PRICKLE2: variants seen among roughly 807,000 people sequenced by gnomAD.
The protein encoded by PRICKLE2 is prickle-like protein 2.
PRICKLE2 carries 21 observed loss-of-function variants against 81.4 expected under a neutral mutation model. That is an observed-to-expected ratio of 0.26 (90% CI 0.18 to 0.37). PRICKLE2 has a LOEUF of 0.37. Among genes scored for constraint, PRICKLE2 ranks in the 10% least tolerant of loss-of-function variants. The pLI is 1.00. For synonymous variants in PRICKLE2, 456 were observed against 421.5 expected (o/e 1.08, Z -1.00); for missense variants, 940 against 1,109.0 (o/e 0.85, Z 2.16).
chr3:64,100,165 A>G, intron 7 of PRICKLE2: 1 of 557,082 alleles, frequency 1.8e-6, no homozygotes, highest in Non-Finnish European at 3.2e-6. Context: ...TTTACCAGTT[A>G]CTAGTTCCTC....
At chr3:64,153,098 G>A (rs1426479214) in intron 6 of PRICKLE2, 84 bp downstream of exon 6, 70 of 1,270,880 alleles carry the variant, frequency 5.5e-5, no homozygotes, top group Non-Finnish European at 7.5e-5. Context: ...TCTAACACTT[G>A]CAATCAAAGA....
intron 2 of PRICKLE2, among the ~76,000 whole-genome samples, chr3:64,196,735 C>T (rs1178401911): frequency 2.0e-5 from 3 of 152,018 alleles, no homozygotes; most frequent in South Asian, 2.1e-4. Context: ...GATCACAAAA[C>T]GGAAGTGCCT....
At chr3:64,190,833 C>T (rs153726) in intron 2 of PRICKLE2, among the ~76,000 whole-genome samples, 1 of 152,098 alleles carries the variant, frequency 6.6e-6, no homozygotes, top group African/African-American at 2.4e-5. Flanking sequence ...TCCCTTTGCA[C>T]TCTGAGAAGC....
At chr3:64,144,446 T>C (rs939706538) in intron 7 of PRICKLE2, among the ~76,000 whole-genome samples, 1 of 152,238 alleles carries the variant, frequency 6.6e-6, no homozygotes, top group Non-Finnish European at 1.5e-5. Flanking sequence ...GCAAGAGCTA[T>C]ATAAAGGTTA....
chr3:64,160,265 T>C (rs937819847), intron 3 of PRICKLE2, among the ~76,000 whole-genome samples, 188 bp from the exon 4 acceptor site: 2 of 152,136 alleles, frequency 1.3e-5, no homozygotes, highest in African/African-American at 4.8e-5. Context: ...TCTACTAAGA[T>C]TGCGGACAGC....
chr3:64,236,169 C>T (rs551032649), intron 2 of PRICKLE2, among the ~76,000 whole-genome samples: 1 of 152,208 alleles, frequency 6.6e-6, no homozygotes, highest in African/African-American at 2.4e-5. Context: ...CCTCACACTG[C>T]CATACTGGAA....
chr3:64,160,893 T>G (rs1034780956), intron 3 of PRICKLE2, among the ~76,000 whole-genome samples: 1 of 152,164 alleles, frequency 6.6e-6, no homozygotes, highest in African/African-American at 2.4e-5. Flanking sequence ...TTGGATGCAT[T>G]TATTTCAAAA....
At chr3:64,171,286 C>T (rs2077926191) in intron 2 of PRICKLE2, among the ~76,000 whole-genome samples, 1 of 152,182 alleles carries the variant, frequency 6.6e-6, no homozygotes, top group South Asian at 2.1e-4. Flanking sequence ...TAATACCCCC[C>T]AAGAGATATT....
chr3:64,214,666 G>T (rs1467762778), intron 1 of PRICKLE2, among the ~76,000 whole-genome samples: 3 of 152,138 alleles, frequency 2.0e-5, no homozygotes, highest in African/African-American at 7.2e-5. Context: ...TTTTTGGAAA[G>T]AAGCCCTTGA....
Position 64,163,028 on chromosome 3 carries a change from T to C in PRICKLE2, c.246A>G (p.Pro82=), listed in dbSNP as rs760343531. The change falls in exon 3 of 8, where the codon CCA becomes CCG. Residue 82 remains proline (P), a synonymous_variant. Transcript: ENST00000638394. The part of the protein sequence containing the change: ...RIKQLLHQLP[P]HDNEVRYCNS... ...TCTAGCCCCTTACCTCATTGTCATG[T>C]GGCGGCAGCTGGTGTAGTAGCTGCT... The C allele has an allele frequency of 3.1e-6, 5 of 1,611,150 alleles. No individual in the cohort carries two copies. In the Admixed American group the frequency reaches 8.3e-5, roughly 27 times the overall value.
chr3:64,233,903 T>C (rs1205767313), intron 2 of PRICKLE2, among the ~76,000 whole-genome samples: 1 of 152,208 alleles, frequency 6.6e-6, no homozygotes, highest in Non-Finnish European at 1.5e-5. Flanking sequence ...TGCCTATTCT[T>C]GACATTTTAT....
At chr3:64,239,909 G>A (rs979705875) in intron 2 of PRICKLE2, among the ~76,000 whole-genome samples, 4 of 127,802 alleles carry the variant, frequency 3.1e-5, no homozygotes, top group Non-Finnish European at 6.3e-5. Context: ...GAGCCCAGGA[G>A]TTTGAGACCA....
At chr3:64,189,664 G>A (rs891604784) in intron 2 of PRICKLE2, among the ~76,000 whole-genome samples, 1 of 152,166 alleles carries the variant, frequency 6.6e-6, no homozygotes, top group Admixed American at 6.5e-5. Context: ...GTTTATTCAC[G>A]CAAACCCTGT....
intron 2 of PRICKLE2, among the ~76,000 whole-genome samples, chr3:64,251,899 T>C (rs1352681978): frequency 3.3e-5 from 5 of 152,214 alleles, no homozygotes; most frequent in African/African-American, 1.2e-4. Flanking sequence ...CCCAGCTCTG[T>C]TCCAGGCTTT....
intron 2 of PRICKLE2, among the ~76,000 whole-genome samples, chr3:64,177,371 G>A (rs144917989): frequency 9.8e-4 from 149 of 151,860 alleles, no homozygotes; most frequent in African/African-American, 3.5e-3. Flanking sequence ...TCCTGACCTC[G>A]ATCCACTTGC....
chr3:64,235,977 A>G (rs562332827), intron 2 of PRICKLE2, among the ~76,000 whole-genome samples: 1 of 152,304 alleles, frequency 6.6e-6, no homozygotes, highest in Admixed American at 6.5e-5. Flanking sequence ...TACCTGGAGA[A>G]GAGAGGATCA....
At chr3:64,114,597 T>C (rs1002026155) in intron 7 of PRICKLE2, among the ~76,000 whole-genome samples, 1 of 150,378 alleles carries the variant, frequency 6.6e-6, no homozygotes, top group Non-Finnish European at 1.5e-5. Flanking sequence ...ATTAATAGAA[T>C]AGAGTAACTG....
At chr3:64,171,606 G>T (rs1343706192) in intron 2 of PRICKLE2, among the ~76,000 whole-genome samples, 1 of 152,216 alleles carries the variant, frequency 6.6e-6, no homozygotes, top group African/African-American at 2.4e-5. Context: ...GCATGTACAA[G>T]ATACTCAATA....
rs555703175 is a variant in PRICKLE2, at chr3:64,216,065, C to T, written c.-41+8845G>A. Among the ~76,000 whole-genome samples the T allele has an allele frequency of 1.2e-4, 18 of 152,318 alleles. No individual in the cohort carries two copies. In the South Asian group the frequency reaches 2.9e-3, roughly 25 times the overall value. ...TCAGGTAACTCTCTCCTTCTAGCTC[C>T]GCAGGGTTTAACATTAGCTCCTGGG... On this transcript the variant is annotated intron_variant, in intron 1 of 7. Coordinates refer to ENST00000638394, the MANE Select transcript of PRICKLE2 (RefSeq NM_198859.4).
Sources: allele counts gnomAD v4.1 joint callset (sites outside exome capture counted in the v4.1 genomes callset), GRCh38; gene constraint gnomAD v4.1.1; transcripts MANE v1.5; gene names NCBI Gene and HGNC (gene_info 2026-07-23, HGNC 2026-07-21).